Variants in TRHDE observed in about 807,000 individuals in gnomAD.
The protein encoded by TRHDE is thyrotropin releasing hormone degrading enzyme.
Under a neutral mutation model 125.7 loss-of-function variants are expected in TRHDE, and 72 were observed. The observed-to-expected ratio is 0.57, with a 90% CI of 0.47 to 0.70. TRHDE has a LOEUF of 0.70. Among genes scored for constraint, TRHDE ranks in the 30% least tolerant of loss-of-function variants. The probability of loss-of-function intolerance (pLI) is 0.00; values close to 1 mark genes in which losing one functional copy is unlikely to be tolerated. For synonymous variants in TRHDE, 509 were observed against 509.1 expected (o/e 1.00, Z 0.00); for missense variants, 1,110 against 1,327.1 (o/e 0.84, Z 2.54).
chr12:72,651,109 TGCC>T (rs1011693514), intron 15 of TRHDE, among the ~76,000 whole-genome samples: 1 of 152,152 alleles, frequency 6.6e-6, no homozygotes, highest in Non-Finnish European at 1.5e-5. Flanking sequence ...TGTTTTCTAA[TGCC>T]ACAAGGAAAA....
At chr12:72,299,663 T>A (rs1260109458) in intron 2 of TRHDE, among the ~76,000 whole-genome samples, 1 of 152,336 alleles carries the variant, frequency 6.6e-6, no homozygotes, top group South Asian at 2.1e-4. Context: ...GATGTAGGAC[T>A]TTGAGTTACA....
intron 2 of TRHDE, among the ~76,000 whole-genome samples, chr12:72,303,731 T>A (rs1323276377): frequency 6.6e-6 from 1 of 152,166 alleles, no homozygotes; most frequent in East Asian, 1.9e-4. Flanking sequence ...AGAGCATGTC[T>A]TTAAAATTCA....
intron 2 of TRHDE, chr12:72,147,621 T>G (rs962997912): frequency 6.6e-6 from 1 of 152,172 alleles, no homozygotes; most frequent in Non-Finnish European, 1.5e-5. Context: ...AACCTCAGTC[T>G]CAAACTCGAA....
At chr12:72,092,077 T>C (rs1364500065) in intron 1 of TRHDE, among the ~76,000 whole-genome samples, 1 of 152,236 alleles carries the variant, frequency 6.6e-6, no homozygotes, top group Non-Finnish European at 1.5e-5. Flanking sequence ...GCTGTAATGA[T>C]GGTCTCAACT....
intron 6 of TRHDE, among the ~76,000 whole-genome samples, chr12:72,511,431 T>G (rs959362032): frequency 6.6e-6 from 1 of 152,222 alleles, no homozygotes; most frequent in African/African-American, 2.4e-5. Context: ...TACTGATACC[T>G]ATTAAACATC....
intron 2 of TRHDE, among the ~76,000 whole-genome samples, chr12:72,358,277 G>A (rs888940465): frequency 1.3e-5 from 2 of 151,498 alleles, no homozygotes; most frequent in African/African-American, 4.8e-5. Context: ...CCCTGGGACA[G>A]CAAGAGCAAC....
intron 6 of TRHDE, among the ~76,000 whole-genome samples, chr12:72,534,397 G>T (rs1359550954): frequency 6.6e-6 from 1 of 151,922 alleles, no homozygotes; most frequent in Non-Finnish European, 1.5e-5. Context: ...TGGTATCTAT[G>T]GTCCTCCTTG....
chr12:72,123,299 T>C (rs1287156655), intron 2 of TRHDE, among the ~76,000 whole-genome samples: 2 of 152,128 alleles, frequency 1.3e-5, no homozygotes, highest in African/African-American at 4.8e-5. Context: ...CCTAGGGAGC[T>C]GTGAAAGATA....
rs1386879982 is a variant in TRHDE, at chr12:72,273,337, G to A, written c.694G>A (p.Val232Met). 1.2e-6 allele frequency: 2 copies of A among 1,614,090 alleles called. No homozygotes were observed. The highest frequency in any genetic ancestry group is 1.7e-4 in the Middle Eastern group (1 of 6,060). ...CTACGTAGTGCTGCACGCTTCCCGAGTGGCGGTGGAGAAAGTGCAGCTGGC... is the reference window on the plus strand; with the variant it reads ...CTACGTAGTGCTGCACGCTTCCCGAATGGCGGTGGAGAAAGTGCAGCTGGC... ...TRYVVLHASR[V>M]AVEKVQLAED... The change falls in exon 1 of 19, where the codon GTG (valine) becomes ATG (methionine). Residue 232 changes from valine to methionine, a missense_variant. Val to Met is a conservative substitution (Grantham distance 21). Transcript: ENST00000261180. The surrounding 1 kb of genome is among the most constrained non-coding windows in gnomAD (Gnocchi z 5.3).
At chr12:72,491,664 C>T (rs575884316) in intron 5 of TRHDE, among the ~76,000 whole-genome samples, 1 of 151,886 alleles carries the variant, frequency 6.6e-6, no homozygotes, top group East Asian at 1.9e-4. Context: ...TCATCATGTC[C>T]GAGAGTATAG....
chr12:72,593,068 A>G (rs956396684), intron 12 of TRHDE, among the ~76,000 whole-genome samples: 1 of 152,192 alleles, frequency 6.6e-6, no homozygotes, highest in African/African-American at 2.4e-5. Context: ...CAGCCAGAAA[A>G]GTGAGTAGAG....
intron 2 of TRHDE, among the ~76,000 whole-genome samples, chr12:72,114,685 T>C (rs1875401215): frequency 6.6e-6 from 1 of 152,000 alleles, no homozygotes; most frequent in South Asian, 2.1e-4. Flanking sequence ...GGGTCAACTG[T>C]GTGTGCAGTG....
At chr12:72,156,930 T>A (rs1452253880) in intron 2 of TRHDE, among the ~76,000 whole-genome samples, 1 of 152,138 alleles carries the variant, frequency 6.6e-6, no homozygotes, top group African/African-American at 2.4e-5. Context: ...TAGCAATGCA[T>A]GTGAAAATTA....
intron 2 of TRHDE, among the ~76,000 whole-genome samples, chr12:72,193,280 G>GT (rs956388720): frequency 6.2e-4 from 91 of 147,212 alleles, no homozygotes; most frequent in Admixed American, 8.9e-4. Context: ...GCCTCAAAAA[G>GT]TTTTTTTTTT....
At chr12:72,098,118 A>T (rs1341918202) in intron 1 of TRHDE, among the ~76,000 whole-genome samples, 1 of 152,096 alleles carries the variant, frequency 6.6e-6, no homozygotes, top group Non-Finnish European at 1.5e-5. Context: ...CCTGAGCTCA[A>T]GCTATCCTCC....
chr12:72,407,234 G>A (rs1167791963), intron 3 of TRHDE, among the ~76,000 whole-genome samples: 1 of 152,216 alleles, frequency 6.6e-6, no homozygotes, highest in Non-Finnish European at 1.5e-5. Context: ...GTTGGAAGCT[G>A]TAGAGGACTC....
intron 2 of TRHDE, among the ~76,000 whole-genome samples, chr12:72,373,964 G>A (rs1257690879): frequency 6.6e-6 from 1 of 152,110 alleles, no homozygotes; most frequent in African/African-American, 2.4e-5. Context: ...GTGATTTGAA[G>A]CTCATTTTAA....
At chr12:72,195,238 TTAAGA>T (rs1877418100) in intron 2 of TRHDE, among the ~76,000 whole-genome samples, 1 of 152,088 alleles carries the variant, frequency 6.6e-6, no homozygotes, top group African/African-American at 2.4e-5. Context: ...GAACTACAAT[TTAAGA>T]TAAGATTTGG....
intron 6 of TRHDE, among the ~76,000 whole-genome samples, chr12:72,521,668 C>A (rs544115892): frequency 1.3e-5 from 2 of 152,284 alleles, no homozygotes; most frequent in East Asian, 1.9e-4. Flanking sequence ...TAAAGCATGA[C>A]CAACCAGCTG....
Sources: allele counts gnomAD v4.1 joint callset (sites outside exome capture counted in the v4.1 genomes callset), GRCh38; gene constraint gnomAD v4.1.1; non-coding constraint Gnocchi (gnomAD v3.1); transcripts MANE v1.5; gene names NCBI Gene and HGNC (gene_info 2026-07-23, HGNC 2026-07-21).